The following OSBP2 variants were observed in gnomAD, a reference collection of about 807,000 sequenced individuals.
OSBP2 encodes oxysterol binding protein 2.
In OSBP2, 66 loss-of-function variants were observed where a neutral mutation model predicts 96.0. The observed-to-expected ratio is 0.69, with a 90% CI of 0.56 to 0.84. The LOEUF is 0.84. Ranked by LOEUF, OSBP2 falls within the 40% of genes least tolerant of loss-of-function variation. The probability of loss-of-function intolerance (pLI) is 0.00; values close to 1 mark genes in which losing one functional copy is unlikely to be tolerated. For synonymous variants in OSBP2, 525 were observed against 520.9 expected, an observed-to-expected ratio of 1.01 and a Z score of -0.11; for missense variants, 1,038 against 1,222.7, an observed-to-expected ratio of 0.85 and a Z score of 2.25.
At chr22:30,832,741 C>T (rs1209201994) in intron 2 of OSBP2, among the ~76,000 whole-genome samples, 2 of 152,118 alleles carry the variant, frequency 1.3e-5, no homozygotes, top group African/African-American at 4.8e-5. Context: ...TTCTCAGGGG[C>T]CTCCGAAACA....
chr22:30,806,657 C>T (rs1203741640), intron 2 of OSBP2, among the ~76,000 whole-genome samples: 1 of 152,096 alleles, frequency 6.6e-6, no homozygotes, highest in East Asian at 1.9e-4. Context: ...GGACAGGAAC[C>T]CCTCCTAATG....
At chr22:30,766,074 A>C (rs902618223) in intron 2 of OSBP2, among the ~76,000 whole-genome samples, 3 of 152,204 alleles carry the variant, frequency 2.0e-5, no homozygotes, top group Admixed American at 2.0e-4. Flanking sequence ...TCTTTCAAAA[A>C]AAGTAATAAT....
At chr22:30,884,225 A>C (rs2039762682) in intron 3 of OSBP2, among the ~76,000 whole-genome samples, 1 of 152,062 alleles carries the variant, frequency 6.6e-6, no homozygotes, top group Non-Finnish European at 1.5e-5. Flanking sequence ...TTCCTCGAGG[A>C]GGCCTTTCCC....
At chr22:30,738,850 C>A (rs1014186113) in intron 1 of OSBP2, among the ~76,000 whole-genome samples, 5 of 152,196 alleles carry the variant, frequency 3.3e-5, no homozygotes, top group African/African-American at 2.4e-5. Flanking sequence ...GCGTGAGCCA[C>A]CGTGCCCAGC....
intron 1 of OSBP2, among the ~76,000 whole-genome samples, chr22:30,736,604 A>G (rs1427643861): frequency 6.6e-6 from 1 of 152,204 alleles, no homozygotes; most frequent in Non-Finnish European, 1.5e-5. Flanking sequence ...ATTTACAGAA[A>G]AGTTAGAAAA....
intron 2 of OSBP2, among the ~76,000 whole-genome samples, chr22:30,786,933 G>C (rs1296071886): frequency 6.6e-6 from 1 of 152,070 alleles, no homozygotes; most frequent in African/African-American, 2.4e-5. Flanking sequence ...CAAGTATCTG[G>C]GACTACAGGC....
intron 1 of OSBP2, among the ~76,000 whole-genome samples, chr22:30,712,566 C>A (rs2089370383): frequency 6.6e-6 from 1 of 152,132 alleles, no homozygotes; most frequent in Non-Finnish European, 1.5e-5. Flanking sequence ...TAGAATATTG[C>A]AGGAAATAAT....
chr22:30,832,955 G>C (rs573425814), intron 2 of OSBP2, among the ~76,000 whole-genome samples: 60 of 152,304 alleles, frequency 3.9e-4, no homozygotes, highest in African/African-American at 1.4e-3. Flanking sequence ...GCTTGATTTA[G>C]TTCTTACTCT....
chr22:30,738,536 C>T (rs988660343), intron 1 of OSBP2, among the ~76,000 whole-genome samples: 10 of 151,726 alleles, frequency 6.6e-5, no homozygotes, highest in African/African-American at 1.9e-4. Flanking sequence ...AAAAGACAAT[C>T]GCTGTTCAAA....
intron 2 of OSBP2, among the ~76,000 whole-genome samples, chr22:30,778,303 G>GCA (rs34574171): frequency 0.16 from 23,209 of 146,466 alleles, 1,902 homozygotes; most frequent in East Asian, 0.25. Flanking sequence ...GTGTGCATGT[G>GCA]CACACACACA....
chr22:30,778,169 CCT>C lies in OSBP2; in HGVS notation c.853+36801_853+36802del, dbSNP rs1491287769. 2.6e-3 allele frequency among the ~76,000 whole-genome samples: 318 copies of C among 124,182 alleles called. 15 individuals carry two copies. The highest frequency in any genetic ancestry group is 8.2e-3 in the African/African-American group (273 of 33,110). The allele number at this position is 124,182 out of a possible 152,430, so 81.5% of individuals were successfully genotyped here. A position where few individuals can be genotyped will look rare whatever the true frequency, so the allele number is the denominator to read the frequency against. On this transcript the variant is annotated intron_variant, in intron 2 of 13. Transcript: ENST00000332585. ...ACCAGCATGCCCGGCTAATTTTTGC[CCT>C]TTTTTTTTTTTTTTTTTTTAGTAGA...
chr22:30,761,431 A>C (rs1392303261), intron 2 of OSBP2, among the ~76,000 whole-genome samples: 1 of 152,202 alleles, frequency 6.6e-6, no homozygotes, highest in Non-Finnish European at 1.5e-5. Flanking sequence ...ATACTGATGA[A>C]ATAGAAGACC....
rs546781708 is a variant in OSBP2 at position 30,881,974 on chromosome 22, G to A, written c.1108-5452G>A. Reference sequence around the variant, plus strand: ...CTTTTAGGTGACTGTGACACTCTACGACCTGCATGTGCCCAGCCTAGGCAC... The same window carrying A: ...CTTTTAGGTGACTGTGACACTCTACAACCTGCATGTGCCCAGCCTAGGCAC... On this transcript the variant is annotated intron_variant, in intron 3 of 13. Transcript: ENST00000332585. The surrounding 1 kb of genome is among the most constrained non-coding windows in gnomAD (Gnocchi z 4.5). Among the ~76,000 whole-genome samples, 3 of 152,260 alleles carry A rather than the reference G, an allele frequency of 2.0e-5. No homozygotes were observed. In the South Asian group the frequency reaches 6.2e-4, roughly 32 times the overall value.
At position 30,695,313 on chromosome 22, in the gene OSBP2, C is replaced by A. The variant is rs373401186; in HGVS notation, c.404C>A (p.Thr135Asn). 2.5e-6 allele frequency: 4 copies of A among 1,613,440 alleles called. No homozygotes were observed. Among genetic ancestry groups the A allele is most frequent in the Admixed American group, 3.3e-5 (2 of 60,000 alleles). Residue 135 changes from threonine (T) to asparagine (N), a missense_variant, in exon 1 of 14, where the codon ACC (threonine) becomes AAC (asparagine). Physicochemically the swap from Thr to Asn is moderately conservative, Grantham distance 65. Coordinates refer to ENST00000332585, the MANE Select transcript of OSBP2 (RefSeq NM_030758.4). ...EPLSRAVGSA[T>N]FLRPESGSLP... ...CTCTCCCGGGCGGTGGGGAGCGCGA[C>A]CTTTCTCAGACCCGAGTCAGGATCG...
chr22:30,764,804 G>T (rs1026418175), intron 2 of OSBP2, among the ~76,000 whole-genome samples: 5 of 152,118 alleles, frequency 3.3e-5, no homozygotes, highest in African/African-American at 1.2e-4. Flanking sequence ...GAGGAGAGAA[G>T]CCCCATCCTC....
At chr22:30,702,237 G>C (rs1354685715) in intron 1 of OSBP2, among the ~76,000 whole-genome samples, 1 of 152,174 alleles carries the variant, frequency 6.6e-6, no homozygotes, top group Non-Finnish European at 1.5e-5. Flanking sequence ...CTTCTGTCCT[G>C]GACAGTGCAT....
chr22:30,843,347 G>T (rs2038794698), intron 2 of OSBP2, among the ~76,000 whole-genome samples: 1 of 152,100 alleles, frequency 6.6e-6, no homozygotes, highest in South Asian at 2.1e-4. Flanking sequence ...CTGAAGCCAG[G>T]CTCCCACATT....
At chr22:30,810,623 T>A (rs1466845053) in intron 2 of OSBP2, among the ~76,000 whole-genome samples, 2 of 152,086 alleles carry the variant, frequency 1.3e-5, no homozygotes, top group Non-Finnish European at 2.9e-5. Flanking sequence ...AGAAGACAGG[T>A]ACTATACCTG....
intron 12 of OSBP2, chr22:30,902,711 C>T: frequency 2.0e-6 from 1 of 498,578 alleles, no homozygotes; most frequent in Non-Finnish European, 3.9e-6. Context: ...AATGAAGTAG[C>T]CGATCCCAAC....
Sources: allele counts gnomAD v4.1 joint callset (sites outside exome capture counted in the v4.1 genomes callset), GRCh38; gene constraint gnomAD v4.1.1; non-coding constraint Gnocchi (gnomAD v3.1); transcripts MANE v1.5; gene names NCBI Gene and HGNC (gene_info 2026-07-23, HGNC 2026-07-21).